The following RTN3 variants were observed in gnomAD, a reference collection of about 807,000 sequenced individuals.
The protein encoded by RTN3 is reticulon-3.
In RTN3, 49 loss-of-function variants were observed where a neutral mutation model predicts 77.8. The observed-to-expected ratio is 0.63, with a 90% CI of 0.50 to 0.80. RTN3 has a LOEUF of 0.80. RTN3 is among the 30% of genes least tolerant of loss of function. The pLI is 0.00. For synonymous variants in RTN3, 464 were observed against 446.9 expected, an observed-to-expected ratio of 1.04 and a Z score of -0.48; for missense variants, 1,236 against 1,211.9, an observed-to-expected ratio of 1.02 and a Z score of -0.29.
At chr11:63,710,486 C>G (rs1030182338) in intron 2 of RTN3, among the ~76,000 whole-genome samples, 1 of 151,818 alleles carries the variant, frequency 6.6e-6, no homozygotes, top group Non-Finnish European at 1.5e-5. Flanking sequence ...TTTCCTTATT[C>G]CAATAAAAAT....
chr11:63,749,037 T>C (rs1413524647), intron 3 of RTN3, among the ~76,000 whole-genome samples: 2 of 150,450 alleles, frequency 1.3e-5, no homozygotes, highest in African/African-American at 4.9e-5. Context: ...ATCACAGCAC[T>C]GTGGGAGGCC....
At chr11:63,706,010 TGATA>T (rs1352671924) in intron 2 of RTN3, among the ~76,000 whole-genome samples, 1 of 152,218 alleles carries the variant, frequency 6.6e-6, no homozygotes, top group Non-Finnish European at 1.5e-5. Context: ...CTAGACAGAT[TGATA>T]GATTTAAGAA....
intron 3 of RTN3, among the ~76,000 whole-genome samples, chr11:63,731,083 TTTTA>T (rs957986924): frequency 2.6e-5 from 4 of 152,014 alleles, no homozygotes; most frequent in African/African-American, 7.3e-5. Context: ...GGATTTTTTT[TTTTA>T]TTTATTTATT....
chr11:63,739,565 T>G (rs1440359445), intron 3 of RTN3, among the ~76,000 whole-genome samples: 1 of 152,200 alleles, frequency 6.6e-6, no homozygotes, highest in Non-Finnish European at 1.5e-5. Flanking sequence ...TATCAGTGGC[T>G]CTCTCCAGTA....
At chr11:63,710,161 TTCAAATG>T (rs1942681585) in intron 2 of RTN3, among the ~76,000 whole-genome samples, 2 of 152,192 alleles carry the variant, frequency 1.3e-5, no homozygotes, top group South Asian at 4.1e-4. Context: ...GGGTTTTCAA[TTCAAATG>T]TATTTACTCA....
chr11:63,699,145 A>T (rs1942108941), intron 1 of RTN3, among the ~76,000 whole-genome samples: 1 of 152,094 alleles, frequency 6.6e-6, no homozygotes, highest in East Asian at 1.9e-4. Context: ...TACTAAAAAT[A>T]CAAAAATTAG....
intron 1 of RTN3, among the ~76,000 whole-genome samples, chr11:63,696,092 T>TAA (rs539527094): frequency 0.018 from 2,482 of 139,296 alleles, 64 homozygotes; most frequent in African/African-American, 0.061. Flanking sequence ...AAGTTTCCTT[T>TAA]AAAAAAAAAA....
chr11:63,735,841 T>A (rs891480323), intron 3 of RTN3, among the ~76,000 whole-genome samples: 1 of 152,106 alleles, frequency 6.6e-6, no homozygotes, highest in Non-Finnish European at 1.5e-5. Flanking sequence ...ATTCTAACAT[T>A]TCTGTGGAAA....
At chr11:63,734,467 TG>T (rs1415012873) in intron 3 of RTN3, among the ~76,000 whole-genome samples, 1 of 151,782 alleles carries the variant, frequency 6.6e-6, no homozygotes, top group African/African-American at 2.4e-5. Flanking sequence ...CCAGGCACAG[TG>T]GCTCATGCCT....
chr11:63,735,601 T>TCTCTCTCTCTCTCTC (rs1590864655), intron 3 of RTN3, among the ~76,000 whole-genome samples: 2 of 146,496 alleles, frequency 1.4e-5, no homozygotes, highest in African/African-American at 2.6e-5. Flanking sequence ...TCTCTCTCTC[T>TCTCTCTCTCTCTCTC]TTCTTTCAAC....
chr11:63,737,240 G>T (rs2013186078), intron 3 of RTN3, among the ~76,000 whole-genome samples: 1 of 152,154 alleles, frequency 6.6e-6, no homozygotes, highest in Non-Finnish European at 1.5e-5. Flanking sequence ...ACTTTTCCAA[G>T]AATGCATAGG....
intron 1 of RTN3, among the ~76,000 whole-genome samples, chr11:63,700,832 C>T (rs1942202105): frequency 6.6e-6 from 1 of 151,996 alleles, no homozygotes; most frequent in African/African-American, 2.4e-5. Context: ...TGGCTCACAC[C>T]TGTAATCCCA....
chr11:63,751,495 C>T (rs1306308036), intron 4 of RTN3, among the ~76,000 whole-genome samples: 1 of 152,180 alleles, frequency 6.6e-6, no homozygotes, highest in African/African-American at 2.4e-5. Flanking sequence ...ACACTTTCCT[C>T]TTGAAAATCT....
intron 3 of RTN3, among the ~76,000 whole-genome samples, chr11:63,745,220 A>G (rs1307707199): frequency 6.6e-6 from 1 of 152,182 alleles, no homozygotes; most frequent in Non-Finnish European, 1.5e-5. Flanking sequence ...TATACTTGGA[A>G]TCCTTAGTCT....
At chr11:63,707,459 T>G (rs1942551909) in intron 2 of RTN3, among the ~76,000 whole-genome samples, 1 of 152,236 alleles carries the variant, frequency 6.6e-6, no homozygotes, top group Admixed American at 6.5e-5. Context: ...CAGCATACAC[T>G]TATTCTTCCT....
intron 7 of RTN3, among the ~76,000 whole-genome samples, chr11:63,755,677 A>G (rs1014527741): frequency 7.0e-6 from 1 of 143,806 alleles, no homozygotes; most frequent in African/African-American, 2.6e-5. Context: ...AAAAAAAAAA[A>G]GGCTGGGCAC....
intron 2 of RTN3, among the ~76,000 whole-genome samples, chr11:63,711,416 GTC>G: frequency 6.6e-6 from 1 of 150,628 alleles, no homozygotes; most frequent in Admixed American, 6.6e-5. Context: ...TTGAGACAGG[GTC>G]TCACTCTGTT....
At chr11:63,718,415 C>T (rs1315131767) in intron 2 of RTN3, among the ~76,000 whole-genome samples, 1 of 152,156 alleles carries the variant, frequency 6.6e-6, no homozygotes, top group African/African-American at 2.4e-5. Flanking sequence ...TTTATGCTTT[C>T]TCTGTACAAT....
chr11:63,739,437 C>T (rs1290162273), intron 3 of RTN3, among the ~76,000 whole-genome samples: 2 of 152,214 alleles, frequency 1.3e-5, no homozygotes, highest in Non-Finnish European at 1.5e-5. Context: ...CATTCTTTCT[C>T]TATAAGGTTG....
Sources: gnomAD v4.1 joint callset for allele counts (sites outside exome capture counted in the v4.1 genomes callset) on GRCh38, gnomAD v4.1.1 for gene constraint, MANE v1.5 for transcripts, NCBI Gene and HGNC (gene_info 2026-07-23, HGNC 2026-07-21) for gene names.